ARHGAP29: variants seen among roughly 807,000 people sequenced by gnomAD.
ARHGAP29 encodes Rho GTPase activating protein 29, also known as rho GTPase-activating protein 29.
A neutral mutation model predicts 122.6 loss-of-function variants in ARHGAP29; 43 were observed. The ratio of observed to expected loss-of-function variants is 0.35; its 90% confidence interval spans 0.27 to 0.45. The LOEUF (loss-of-function observed/expected upper bound fraction) is 0.45, where lower values mean the gene tolerates loss of function less well. Among genes scored for constraint, ARHGAP29 ranks in the 20% least tolerant of loss-of-function variants. The probability of loss-of-function intolerance (pLI) is 1.00; values close to 1 mark genes in which losing one functional copy is unlikely to be tolerated. For missense variants in ARHGAP29, 1,303 were observed against 1,477.2 expected (o/e 0.88, Z 1.93); for synonymous variants, 506 against 497.1 (o/e 1.02, Z -0.24).
rs1159151975 is a variant in ARHGAP29 at position 94,170,938 on chromosome 1, G to C, written c.*2931C>G. 2.0e-5 allele frequency among the ~76,000 whole-genome samples: 3 copies of C among 152,022 alleles called. No homozygotes were observed. The highest frequency in any genetic ancestry group is 4.4e-5 in the Non-Finnish European group (3 of 68,008). Reference sequence around the variant, plus strand: ...GTTGCTGATATCTAGGAATACAACTGACTTACATACTGATTGTGAATGTAG... The same window carrying C: ...GTTGCTGATATCTAGGAATACAACTCACTTACATACTGATTGTGAATGTAG... On this transcript the variant is annotated 3_prime_UTR_variant, in exon 23 of 23. Coordinates refer to ENST00000260526, the MANE Select transcript of ARHGAP29 (RefSeq NM_004815.4).
At position 94,178,314 on chromosome 1, in the gene ARHGAP29, T is replaced by C. The variant is rs778026125; in HGVS notation, c.2481-147A>G. On this transcript the variant is annotated intron_variant, in intron 20 of 22. Transcript: ENST00000260526. The stretch of plus-strand genomic sequence containing the variant: ...AGTCTAGGAAAAGGTTATATTTATT[T>C]GATTAAAATATTGACCACATGCCAA... The C allele has an allele frequency of 8.4e-6, 6 of 717,944 alleles. No homozygotes were observed. In the East Asian group the frequency reaches 1.6e-4, roughly 20 times the overall value. The allele number at this position is 717,944 out of a possible 1,614,324, so 44.5% of individuals were successfully genotyped here.
At chr1:94,215,262 A>G (rs1423089443) in intron 3 of ARHGAP29, among the ~76,000 whole-genome samples, 4 of 151,820 alleles carry the variant, frequency 2.6e-5, no homozygotes, top group African/African-American at 4.8e-5. Context: ...AATACTAAAT[A>G]TGTATATTTT....
At position 94,189,830 on chromosome 1, in the gene ARHGAP29, TGTCA is replaced by T; in HGVS notation, c.1439+92_1439+95del. ...AAAGAACTCAGAAAATTTTTAATTT[TGTCA>T]GTTAGAAAAGTCTCCTCCTTGTACT... On this transcript the variant is annotated intron_variant, in intron 13 of 22. Transcript: ENST00000260526. The T allele has an allele frequency of 4.1e-6, 5 of 1,227,226 alleles. No homozygotes were observed. The Middle Eastern group carries it at 1.0e-3, about 247-fold the overall frequency. 76.0% of individuals were successfully genotyped at this position (1,227,226 alleles called of 1,614,324 possible).
Position 94,202,475 on chromosome 1 carries a change from CTT to C in ARHGAP29, c.1143+67_1143+68del, listed in dbSNP as rs1342923031. 12 of 1,577,516 alleles carry C rather than the reference CTT, an allele frequency of 7.6e-6. No individual in the cohort carries two copies. The Admixed American group carries it at 2.0e-4, about 27-fold the overall frequency. On this transcript the variant is annotated intron_variant, in intron 11 of 22. Coordinates refer to ENST00000260526, the MANE Select transcript of ARHGAP29 (RefSeq NM_004815.4). Reference sequence around the variant, plus strand: ...CCAGGCAGTCTTGGCAGACGCAGAACTTTGACACCAAACTCCTGGCAGATTAC... The same window carrying C: ...CCAGGCAGTCTTGGCAGACGCAGAACTGACACCAAACTCCTGGCAGATTAC...
chr1:94,177,481 G>A (rs1189200003), intron 22 of ARHGAP29, 131 bp downstream of exon 22: 169 of 584,414 alleles, frequency 2.9e-4, no homozygotes, highest in Non-Finnish European at 2.8e-6. Context: ...TCAATGGCTA[G>A]CCAAGATTTG....
chr1:94,182,865 C>T (rs1028425608), intron 19 of ARHGAP29, among the ~76,000 whole-genome samples: 6 of 150,234 alleles, frequency 4.0e-5, no homozygotes, highest in African/African-American at 1.5e-4. Context: ...GAAGACATGA[C>T]AGGCATTTCC....
chr1:94,175,206 G>A (rs1352160558), intron 22 of ARHGAP29, among the ~76,000 whole-genome samples: 1 of 152,202 alleles, frequency 6.6e-6, no homozygotes, highest in Non-Finnish European at 1.5e-5. Context: ...CCCAGTGAGA[G>A]CATATGATAT....
Position 94,261,393 on chromosome 1 carries a change from G to A in ARHGAP29, c.-33+13619C>T, listed in dbSNP as rs117931144. ...AGTTTGGGTCTCATTTGGCTTTACT[G>A]TGTTATGCGTGCAGGTCAAGTGTAG... On this transcript the variant is annotated intron_variant and NMD_transcript_variant, in intron 1 of 25. Transcript: ENST00000552844. Among the ~76,000 whole-genome samples the A allele has an allele frequency of 1.2e-4, 18 of 152,224 alleles. No homozygotes were observed. The East Asian group carries it at 3.5e-3, about 29-fold the overall frequency.
At chr1:94,180,168 CAACTT>C (rs1159907069) in intron 19 of ARHGAP29, among the ~76,000 whole-genome samples, 3 of 152,102 alleles carry the variant, frequency 2.0e-5, no homozygotes, top group Non-Finnish European at 4.4e-5. Flanking sequence ...GTATTAAAAA[CAACTT>C]AACTGATAAT....
upstream of ARHGAP29, among the ~76,000 whole-genome samples, chr1:94,279,134 A>G (rs919988214): frequency 5.9e-5 from 9 of 152,210 alleles, no homozygotes; most frequent in Non-Finnish European, 1.2e-4. Flanking sequence ...TAGGTTCACT[A>G]TAATACTTCT....
intron 5 of ARHGAP29, among the ~76,000 whole-genome samples, 154 bp from the exon 6 acceptor site, chr1:94,205,837 CA>C (rs1180542227): frequency 1.3e-5 from 2 of 152,088 alleles, no homozygotes. Flanking sequence ...GTTTAAGTGC[CA>C]GAACACTTCA....
intron 20 of ARHGAP29, 21 bp from the exon 21 acceptor site, chr1:94,178,188 A>G (rs200929924): frequency 6.3e-7 from 1 of 1,587,400 alleles, no homozygotes. Context: ...GAACACATAA[A>G]GTTGTATGAG....
At chr1:94,261,727 A>G (rs1654563288) in intron 1 of ARHGAP29, among the ~76,000 whole-genome samples, 1 of 152,244 alleles carries the variant, frequency 6.6e-6, no homozygotes, top group African/African-American at 2.4e-5. Flanking sequence ...AAGGAGAACT[A>G]CAAAACACTG....
intron 12 of ARHGAP29, among the ~76,000 whole-genome samples, chr1:94,198,377 C>T (rs1650601907): frequency 6.6e-6 from 1 of 151,956 alleles, no homozygotes; most frequent in Non-Finnish European, 1.5e-5. Flanking sequence ...ACCTGGGAGG[C>T]TGAGGATTGC....
intron 20 of ARHGAP29, 114 bp from the exon 21 acceptor site, chr1:94,178,281 G>A: frequency 2.1e-6 from 2 of 966,502 alleles, no homozygotes; most frequent in Non-Finnish European, 3.1e-6. Flanking sequence ...AAAATACTAG[G>A]GGGAAAAAGT....
the ARHGAP29 span, among the ~76,000 whole-genome samples, chr1:94,306,838 A>C: frequency 3.3e-5 from 5 of 152,218 alleles, no homozygotes; most frequent in Non-Finnish European, 7.3e-5. Context: ...CTCCTGTCAA[A>C]AGAAAGTATC....
the ARHGAP29 span, among the ~76,000 whole-genome samples, chr1:94,286,578 G>A: frequency 6.6e-6 from 1 of 152,118 alleles, no homozygotes; most frequent in South Asian, 2.1e-4. Flanking sequence ...TGAAGTGGGA[G>A]GATCACCTGA....
intron 3 of ARHGAP29, among the ~76,000 whole-genome samples, chr1:94,217,188 G>C (rs1007461823): frequency 1.3e-5 from 2 of 152,080 alleles, no homozygotes; most frequent in African/African-American, 4.8e-5. Context: ...GGTCTCCAAA[G>C]TAAGTCATAT....
chr1:94,183,037 T>G (rs1417652530), intron 19 of ARHGAP29, among the ~76,000 whole-genome samples: 1 of 152,152 alleles, frequency 6.6e-6, no homozygotes, highest in East Asian at 1.9e-4. Flanking sequence ...TATTACATAC[T>G]TTCAAATAAC....
Sources: allele counts gnomAD v4.1 joint callset (sites outside exome capture counted in the v4.1 genomes callset), GRCh38; gene constraint gnomAD v4.1.1; transcripts MANE v1.5; gene names NCBI Gene and HGNC (gene_info 2026-07-23, HGNC 2026-07-21).